The following RFX7 variants were observed in gnomAD, a reference collection of about 807,000 sequenced individuals.
RFX7 encodes DNA-binding protein RFX7.
Under a neutral mutation model 111.8 loss-of-function variants are expected in RFX7, and 26 were observed. The ratio of observed to expected loss-of-function variants is 0.23; its 90% CI spans 0.17 to 0.32. The LOEUF is 0.32. Ranked by LOEUF, RFX7 falls within the 10% of genes least tolerant of loss-of-function variation. The probability of loss-of-function intolerance (pLI) is 1.00; values close to 1 mark genes in which losing one functional copy is unlikely to be tolerated. For missense variants in RFX7, 1,573 were observed against 1,772.9 expected (o/e 0.89, Z 2.02); for synonymous variants, 624 against 624.4 (o/e 1.00, Z 0.01).
At chr15:56,186,558 C>T (rs2043040412) in intron 2 of RFX7, among the ~76,000 whole-genome samples, 1 of 151,928 alleles carries the variant, frequency 6.6e-6, no homozygotes, top group African/African-American at 2.4e-5. Flanking sequence ...CACAAGAGCT[C>T]AACTATACTG....
intron 2 of RFX7, among the ~76,000 whole-genome samples, chr15:56,228,935 GAACAA>G (rs1461673953): frequency 2.0e-5 from 3 of 151,986 alleles, no homozygotes; most frequent in Admixed American, 6.6e-5. Flanking sequence ...TTAATTGTAA[GAACAA>G]AATAGAATAA....
At chr15:56,228,510 A>G (rs2043510797) in intron 2 of RFX7, among the ~76,000 whole-genome samples, 2 of 152,170 alleles carry the variant, frequency 1.3e-5, no homozygotes, top group Admixed American at 6.5e-5. Flanking sequence ...ACTTAAAAAA[A>G]CTATGATTAA....
chr15:56,225,832 A>C (rs1278130901), intron 2 of RFX7, among the ~76,000 whole-genome samples: 3 of 152,182 alleles, frequency 2.0e-5, no homozygotes, highest in African/African-American at 7.2e-5. Context: ...TCAAAGGCTA[A>C]TCACATATTT....
At chr15:56,129,632 G>C (rs1250558569) in intron 5 of RFX7, among the ~76,000 whole-genome samples, 1 of 152,168 alleles carries the variant, frequency 6.6e-6, no homozygotes, top group African/African-American at 2.4e-5. Context: ...AAGTTGGAGA[G>C]CACACTGCCC....
intron 2 of RFX7, among the ~76,000 whole-genome samples, chr15:56,238,361 C>T (rs2043647562): frequency 6.6e-6 from 1 of 152,130 alleles, no homozygotes; most frequent in Admixed American, 6.5e-5. Context: ...AACTAGAATT[C>T]AGAAAACATC....
At chr15:56,204,030 T>TC (rs1282968141) in intron 2 of RFX7, among the ~76,000 whole-genome samples, 2 of 150,292 alleles carry the variant, frequency 1.3e-5, no homozygotes, top group African/African-American at 4.9e-5. Flanking sequence ...TTTTTTTTTT[T>TC]TTTTTTTGAG....
chr15:56,169,438 C>T (rs1437115510), intron 3 of RFX7, among the ~76,000 whole-genome samples: 1 of 152,174 alleles, frequency 6.6e-6, no homozygotes, highest in Non-Finnish European at 1.5e-5. Context: ...CTTTGATCCA[C>T]ATTATGAATT....
chr15:56,101,391 G>T lies in RFX7; in HGVS notation c.779C>A (p.Ala260Glu), dbSNP rs761172601. 9 of 1,605,290 alleles carry T rather than the reference G, an allele frequency of 5.6e-6. No individual in the cohort carries two copies. Among genetic ancestry groups the T allele is most frequent in the Non-Finnish European group, 7.7e-6 (9 of 1,176,030 alleles). Residue 260 changes from alanine (A) to glutamate (E), a missense_variant, in exon 8 of 10, where the codon GCA (alanine) becomes GAA (glutamate). Physicochemically the swap from Ala to Glu is moderately radical, Grantham distance 107. Around this residue, in one of 7 missense-constraint regions of RFX7, gnomAD observed 288 missense variants for 337.9 expected, o/e 0.85. Transcript: ENST00000559447. ...KSHYIGTKSM[A>E]ALTVMAAAPA... ...TGCTGCTGCCATTACAGTTAGAGCTGCCATTGACTTGGTGCCTATATAGTG... is the reference window on the plus strand; with the variant it reads ...TGCTGCTGCCATTACAGTTAGAGCTTCCATTGACTTGGTGCCTATATAGTG...
At chr15:56,162,380 A>G (rs1353001831) in intron 3 of RFX7, among the ~76,000 whole-genome samples, 2 of 152,112 alleles carry the variant, frequency 1.3e-5, no homozygotes, top group Admixed American at 1.3e-4. Context: ...AAATTAGAAT[A>G]CTGTAAGAAT....
At position 56,093,171 on chromosome 15, in the gene RFX7, C is replaced by G; in HGVS notation, c.*174G>C. The stretch of plus-strand genomic sequence containing the variant: ...TTCTACAGCCTACTGTCTTTAGACA[C>G]TTGTTAAGAACTGAGGCAAGTCTAA... On this transcript the variant is annotated 3_prime_UTR_variant, in exon 10 of 10. Transcript: ENST00000559447. 2 of 574,826 alleles carry G rather than the reference C, an allele frequency of 3.5e-6. No individual in the cohort carries two copies. The highest frequency in any genetic ancestry group is 6.0e-6 in the Non-Finnish European group (2 of 332,652). 35.6% of individuals were successfully genotyped at this position (574,826 alleles called of 1,614,324 possible). A position where few individuals can be genotyped will look rare whatever the true frequency, so the allele number is the denominator to read the frequency against.
chr15:56,124,864 TATA>T (rs1389730957), intron 5 of RFX7, among the ~76,000 whole-genome samples: 1 of 152,232 alleles, frequency 6.6e-6, no homozygotes, highest in Non-Finnish European at 1.5e-5. Context: ...TTTGATCTGA[TATA>T]ATGCCATTGG....
At chr15:56,128,613 A>G (rs1474160311) in intron 5 of RFX7, among the ~76,000 whole-genome samples, 1 of 152,170 alleles carries the variant, frequency 6.6e-6, no homozygotes, top group African/African-American at 2.4e-5. Flanking sequence ...TTAATGGCAA[A>G]AGACTGAAAG....
intron 2 of RFX7, among the ~76,000 whole-genome samples, chr15:56,214,189 A>G (rs1424286279): frequency 6.6e-6 from 1 of 152,094 alleles, no homozygotes; most frequent in Non-Finnish European, 1.5e-5. Flanking sequence ...CAAGTTCCTA[A>G]CTTTGTCCTT....
chr15:56,193,350 GC>G (rs1407674088), intron 2 of RFX7: 5 of 152,076 alleles, frequency 3.3e-5, no homozygotes, highest in African/African-American at 1.2e-4. Flanking sequence ...AGCCTCTGAG[GC>G]CATTTTCTAT....
chr15:56,232,056 G>A (rs1449917691), intron 2 of RFX7, among the ~76,000 whole-genome samples: 1 of 152,208 alleles, frequency 6.6e-6, no homozygotes, highest in Non-Finnish European at 1.5e-5. Flanking sequence ...TCTCTTGGCG[G>A]CTTTTATGGG....
intron 2 of RFX7, chr15:56,193,380 T>C (rs180815184): frequency 6.6e-5 from 10 of 152,364 alleles, no homozygotes; most frequent in Non-Finnish European, 1.2e-4. Context: ...AAAATGATAC[T>C]ACTAATTTTA....
intron 5 of RFX7, among the ~76,000 whole-genome samples, chr15:56,117,352 G>T (rs1275565061): frequency 6.6e-6 from 1 of 152,040 alleles, no homozygotes; most frequent in African/African-American, 2.4e-5. Context: ...GTAGAGGAAA[G>T]AATATGAACA....
intron 2 of RFX7, among the ~76,000 whole-genome samples, chr15:56,201,607 G>A (rs759889549): frequency 3.3e-5 from 5 of 152,166 alleles, no homozygotes; most frequent in Admixed American, 1.3e-4. Flanking sequence ...AGTTAGATAC[G>A]TCTAGATTTT....
At chr15:56,188,923 C>T (rs142321240) in intron 2 of RFX7, among the ~76,000 whole-genome samples, 4,086 of 152,200 alleles carry the variant, frequency 0.027, 76 homozygotes, top group Non-Finnish European at 0.042. Flanking sequence ...ACCTCCACCT[C>T]CGGGGTTCAA....
Sources: gnomAD v4.1 joint callset for allele counts (sites outside exome capture counted in the v4.1 genomes callset) on GRCh38, gnomAD v4.1.1 for gene constraint, gnomAD v4.1.1 regional missense constraint, MANE v1.5 for transcripts, NCBI Gene and HGNC (gene_info 2026-07-23, HGNC 2026-07-21) for gene names.